LRRIQ1: variants seen among roughly 807,000 people sequenced by gnomAD.
LRRIQ1 encodes the protein leucine rich repeats and IQ motif containing 1, also known as leucine-rich repeat- and IQ domain-containing protein 1.
LRRIQ1 carries 210 observed loss-of-function variants against 211.9 expected under a neutral mutation model. The observed-to-expected ratio is 0.99, with a 90% CI of 0.89 to 1.11. The LOEUF (loss-of-function observed/expected upper bound fraction) is 1.11, where lower values mean the gene tolerates loss of function less well. Among genes scored for constraint, LRRIQ1 ranks in the 50% most tolerant of loss-of-function variants. LRRIQ1 has a pLI of 0.00. For missense variants in LRRIQ1, 2,136 were observed against 1,939.5 expected (o/e 1.10, Z -1.90); for synonymous variants, 699 against 650.1 (o/e 1.08, Z -1.14).
At chr12:85,163,790 A>T (rs1891018549) in intron 24 of LRRIQ1, among the ~76,000 whole-genome samples, 1 of 152,140 alleles carries the variant, frequency 6.6e-6, no homozygotes, top group Admixed American at 6.5e-5. Flanking sequence ...GTAAAATATT[A>T]TACCATTTTT....
At chr12:85,261,555 T>A (rs957759456) in intron 1 of LRRIQ1, among the ~76,000 whole-genome samples, 3 of 146,484 alleles carry the variant, frequency 2.0e-5, no homozygotes, top group Admixed American at 6.8e-5. Context: ...AAACATTCTA[T>A]TTTTTTTTTC....
At chr12:85,185,171 A>G (rs1264619503) in intron 24 of LRRIQ1, among the ~76,000 whole-genome samples, 1 of 151,916 alleles carries the variant, frequency 6.6e-6, no homozygotes, top group East Asian at 1.9e-4. Flanking sequence ...ATTTTTATTG[A>G]TAATATATCA....
chr12:85,136,340 G>A (rs1025714699), intron 18 of LRRIQ1, among the ~76,000 whole-genome samples: 4 of 151,932 alleles, frequency 2.6e-5, no homozygotes, highest in Non-Finnish European at 4.4e-5. Context: ...AGTTTTTAGT[G>A]GAAAAAGGGA....
intron 1 of LRRIQ1, among the ~76,000 whole-genome samples, chr12:85,250,924 A>ATTATATATTATATGTAATATATT (rs1895913753): frequency 1.3e-5 from 1 of 79,690 alleles, no homozygotes; most frequent in Non-Finnish European, 2.0e-5. Context: ...TATTTTATAT[A>ATTATATATTATATGTAATATATT]TTATATATTA....
chr12:85,183,976 A>G (rs972578818), intron 24 of LRRIQ1, among the ~76,000 whole-genome samples: 7 of 152,112 alleles, frequency 4.6e-5, no homozygotes, highest in African/African-American at 1.4e-4. Flanking sequence ...ATAAAAGTCA[A>G]TCAGTTCAAT....
intron 24 of LRRIQ1, among the ~76,000 whole-genome samples, chr12:85,205,205 A>C (rs1434287859): frequency 2.0e-5 from 3 of 152,140 alleles, no homozygotes; most frequent in Non-Finnish European, 4.4e-5. Flanking sequence ...AGGCTTCCCC[A>C]GCCATGTAGA....
intron 1 of LRRIQ1, among the ~76,000 whole-genome samples, chr12:85,254,821 C>A (rs981806066): frequency 5.9e-5 from 9 of 151,958 alleles, no homozygotes; most frequent in African/African-American, 2.2e-4. Flanking sequence ...TAATCAAAAT[C>A]ATTCAAATAT....
intron 24 of LRRIQ1, among the ~76,000 whole-genome samples, chr12:85,194,488 G>T (rs1892780048): frequency 3.3e-5 from 5 of 149,698 alleles, no homozygotes; most frequent in Admixed American, 6.7e-5. Flanking sequence ...AGACCACAGT[G>T]CAATCAAACT....
At chr12:85,261,726 A>G (rs1896293591) in intron 1 of LRRIQ1, among the ~76,000 whole-genome samples, 1 of 151,708 alleles carries the variant, frequency 6.6e-6, no homozygotes, top group Non-Finnish European at 1.5e-5. Context: ...TCCTAAGGGG[A>G]TTTAAAGCAG....
chr12:85,143,803 A>G (rs1047504329), intron 19 of LRRIQ1, among the ~76,000 whole-genome samples: 3 of 151,562 alleles, frequency 2.0e-5, no homozygotes, highest in Non-Finnish European at 4.4e-5. Flanking sequence ...ATTTAATGCA[A>G]TACCTGGATC....
chr12:85,065,403 A>G lies in LRRIQ1; in HGVS notation c.2533A>G (p.Ile845Val), dbSNP rs1882327611. 2.5e-6 allele frequency: 4 copies of G among 1,607,858 alleles called. No individual in the cohort carries two copies. The highest frequency in any genetic ancestry group is 3.4e-6 in the Non-Finnish European group (4 of 1,176,498). ...GAGTAATTGTAAAAAACTTAAGTAC[A>G]TTGATGCACAGGTATGCTCTCTGCC... ...SLSNCKKLKY[I>V]DAQENHIEAI... Residue 845 changes from isoleucine to valine, a missense_variant, in exon 9 of 27, where the codon ATT becomes GTT. By Grantham distance (29) the Ile-to-Val change is conservative (BLOSUM62 3). Transcript: ENST00000393217.
At position 85,194,353 on chromosome 12, in the gene LRRIQ1, A is replaced by G. The variant is rs1196495329; in HGVS notation, c.4822+33639A>G. On this transcript the variant is annotated intron_variant, in intron 24 of 26. Coordinates refer to ENST00000393217, the MANE Select transcript of LRRIQ1 (RefSeq NM_001079910.2). ...AGACATCTACAGAACTCTCCACCCC[A>G]AATCAACAGAATATACATTTTTTTC... Among the ~76,000 whole-genome samples the G allele has an allele frequency of 3.4e-3, 429 of 125,212 alleles. 2 individuals are homozygous for G. Among genetic ancestry groups the G allele is most frequent in the African/African-American group, 0.013 (411 of 31,878 alleles). The allele number at this position is 125,212 out of a possible 152,430, so 82.1% of individuals were successfully genotyped here. A position where few individuals can be genotyped will look rare whatever the true frequency, so the allele number is the denominator to read the frequency against.
At chr12:85,121,534 C>A (rs559762572) in intron 15 of LRRIQ1, among the ~76,000 whole-genome samples, 163 bp from the exon 16 acceptor site, 1 of 152,194 alleles carries the variant, frequency 6.6e-6, no homozygotes, top group African/African-American at 2.4e-5. Context: ...AGAAATGTAA[C>A]AACAACAAAA....
chr12:85,123,806 A>C (rs1888158430), intron 16 of LRRIQ1, among the ~76,000 whole-genome samples: 1 of 152,158 alleles, frequency 6.6e-6, no homozygotes, highest in African/African-American at 2.4e-5. Context: ...ATTTATACCA[A>C]AAATACCTAG....
At chr12:85,039,650 C>T (rs562825987) in intron 2 of LRRIQ1, among the ~76,000 whole-genome samples, 45 of 151,646 alleles carry the variant, frequency 3.0e-4, no homozygotes, top group African/African-American at 1.1e-3. Context: ...GCTGTAAATC[C>T]TAAATTCAAC....
At chr12:85,074,095 G>A (rs74111261) in intron 11 of LRRIQ1, among the ~76,000 whole-genome samples, 6 of 151,798 alleles carry the variant, frequency 4.0e-5, no homozygotes, top group African/African-American at 1.5e-4. Context: ...AATGTTAACT[G>A]TATTCTTTTT....
At chr12:85,140,851 C>T (rs1440583549) in intron 19 of LRRIQ1, among the ~76,000 whole-genome samples, 3 of 151,202 alleles carry the variant, frequency 2.0e-5, no homozygotes, top group Non-Finnish European at 4.4e-5. Flanking sequence ...TGGATTTTAT[C>T]AAATACTTCT....
At chr12:85,215,307 T>C (rs904054367) in intron 24 of LRRIQ1, among the ~76,000 whole-genome samples, 16 of 152,164 alleles carry the variant, frequency 1.1e-4, no homozygotes, top group African/African-American at 3.9e-4. Context: ...CTCATAGATA[T>C]TTGCATCATA....
intron 15 of LRRIQ1, among the ~76,000 whole-genome samples, chr12:85,107,846 G>A (rs1275546149): frequency 6.6e-6 from 1 of 151,758 alleles, no homozygotes; most frequent in East Asian, 1.9e-4. Flanking sequence ...ATTTCTGATT[G>A]CAGATATATT....
Sources: allele counts gnomAD v4.1 joint callset (sites outside exome capture counted in the v4.1 genomes callset), GRCh38; gene constraint gnomAD v4.1.1; transcripts MANE v1.5; gene names NCBI Gene and HGNC (gene_info 2026-07-23, HGNC 2026-07-21).